Variants in PTPRD observed in about 807,000 individuals in gnomAD.
PTPRD encodes the protein receptor-type tyrosine-protein phosphatase delta.
A neutral mutation model predicts 214.5 loss-of-function variants in PTPRD; 34 were observed. The observed-to-expected ratio is 0.16, with a 90% CI of 0.12 to 0.21. PTPRD has a LOEUF of 0.21. PTPRD is among the 10% of genes least tolerant of loss of function. The pLI, the probability that PTPRD is intolerant of heterozygous loss-of-function variation, is 1.00. For missense variants in PTPRD, 2,545 were observed against 2,398.7 expected (o/e 1.06, Z -1.27); for synonymous variants, 1,128 against 845.7 (o/e 1.33, Z -5.79).
At chr9:9,488,012 T>C (rs1326145874) in intron 8 of PTPRD, among the ~76,000 whole-genome samples, 1 of 152,204 alleles carries the variant, frequency 6.6e-6, no homozygotes, top group African/African-American at 2.4e-5. Context: ...ATACTATTTG[T>C]GTGCCATAAA....
intron 10 of PTPRD, among the ~76,000 whole-genome samples, chr9:9,055,103 T>C (rs1381785104): frequency 1.3e-5 from 2 of 152,148 alleles, no homozygotes; most frequent in Non-Finnish European, 2.9e-5. Context: ...CAATATCCAG[T>C]AAAACTGCTA....
intron 3 of PTPRD, among the ~76,000 whole-genome samples, chr9:10,104,457 G>T (rs2098604002): frequency 6.6e-6 from 1 of 151,320 alleles, no homozygotes; most frequent in South Asian, 2.1e-4. Context: ...TATAATAATA[G>T]AAATCATAAA....
At chr9:10,022,585 G>C (rs930064680) in intron 4 of PTPRD, among the ~76,000 whole-genome samples, 1 of 152,066 alleles carries the variant, frequency 6.6e-6, no homozygotes, top group Non-Finnish European at 1.5e-5. Context: ...AGGCCAAAAG[G>C]CACTTGTAGT....
intron 2 of PTPRD, among the ~76,000 whole-genome samples, chr9:10,566,131 C>T (rs911692516): frequency 2.6e-5 from 4 of 151,912 alleles, no homozygotes; most frequent in Non-Finnish European, 5.9e-5. Context: ...TTTCTTTGCT[C>T]AGGTACTCAT....
At chr9:8,543,595 C>T (rs192510068) in intron 14 of PTPRD, among the ~76,000 whole-genome samples, 5 of 152,280 alleles carry the variant, frequency 3.3e-5, no homozygotes, top group Non-Finnish European at 4.4e-5. Context: ...ATATTATACA[C>T]GACAGGTTTT....
At chr9:10,605,260 T>C (rs550751301) in intron 2 of PTPRD, among the ~76,000 whole-genome samples, 3 of 152,032 alleles carry the variant, frequency 2.0e-5, no homozygotes, top group African/African-American at 7.2e-5. Flanking sequence ...CTTCTGCTAT[T>C]ATGCTTTGGT....
At chr9:10,052,342 G>T (rs1050566190) in intron 3 of PTPRD, among the ~76,000 whole-genome samples, 1 of 152,126 alleles carries the variant, frequency 6.6e-6, no homozygotes, top group African/African-American at 2.4e-5. Context: ...AAAGGCGCCT[G>T]CTTAGTGGCA....
At chr9:9,815,728 G>A (rs368611833) in intron 5 of PTPRD, among the ~76,000 whole-genome samples, 1 of 152,206 alleles carries the variant, frequency 6.6e-6, no homozygotes, top group Middle Eastern at 3.4e-3. Context: ...TAGAATGGTT[G>A]ATTTTAGCGG....
chr9:10,222,660 T>C (rs893931327), intron 3 of PTPRD, among the ~76,000 whole-genome samples: 3 of 152,068 alleles, frequency 2.0e-5, no homozygotes, highest in African/African-American at 7.2e-5. Context: ...TAAATGCTCA[T>C]AGAGGTAAAC....
intron 7 of PTPRD, among the ~76,000 whole-genome samples, chr9:9,594,672 C>T (rs139608748): frequency 0.024 from 3,588 of 152,070 alleles, 142 homozygotes; most frequent in African/African-American, 0.081. Flanking sequence ...GTGACTATGG[C>T]CTTATAGTAT....
chr9:9,775,981 C>CAAAAAAAAAAAA (rs1454097319), intron 5 of PTPRD, among the ~76,000 whole-genome samples: 1 of 86,344 alleles, frequency 1.2e-5, no homozygotes, highest in Admixed American at 1.2e-4. Context: ...AAAAAAAAAG[C>CAAAAAAAAAAAA]AAATCCTTTT....
chr9:9,036,310 A>G (rs1008723904), intron 10 of PTPRD, among the ~76,000 whole-genome samples: 61 of 152,120 alleles, frequency 4.0e-4, no homozygotes, highest in African/African-American at 1.4e-3. Flanking sequence ...AAGTAGAGGA[A>G]GAATTTAAGA....
At chr9:9,140,215 G>A (rs1467295304) in intron 10 of PTPRD, among the ~76,000 whole-genome samples, 1 of 150,648 alleles carries the variant, frequency 6.6e-6, no homozygotes, top group Non-Finnish European at 1.5e-5. Flanking sequence ...AAAAGAAAAA[G>A]AAAAAAAAGA....
At chr9:10,052,924 T>G (rs2097560004) in intron 3 of PTPRD, among the ~76,000 whole-genome samples, 2 of 152,256 alleles carry the variant, frequency 1.3e-5, no homozygotes, top group Admixed American at 1.3e-4. Flanking sequence ...GAACTCACTG[T>G]GAAGAGTATA....
intron 3 of PTPRD, among the ~76,000 whole-genome samples, chr9:10,112,238 C>G (rs1177457999): frequency 6.6e-6 from 1 of 152,206 alleles, no homozygotes; most frequent in Non-Finnish European, 1.5e-5. Context: ...GGAAGACAAC[C>G]AGTCACAGCT....
At chr9:9,022,868 G>C (rs1010989880) in intron 10 of PTPRD, among the ~76,000 whole-genome samples, 3 of 152,056 alleles carry the variant, frequency 2.0e-5, no homozygotes, top group Non-Finnish European at 2.9e-5. Context: ...CAGAAACAGA[G>C]CAAACAATAT....
At chr9:10,240,649 T>A (rs1781767989) in intron 3 of PTPRD, among the ~76,000 whole-genome samples, 1 of 151,898 alleles carries the variant, frequency 6.6e-6, no homozygotes, top group Admixed American at 6.6e-5. Context: ...AGAAGGATAA[T>A]ACAAAATGAC....
chr9:8,493,070 G>C, intron 26 of PTPRD, 91 bp from the exon 27 acceptor site: 1 of 1,023,362 alleles, frequency 9.8e-7, no homozygotes, highest in Non-Finnish European at 1.5e-6. Flanking sequence ...TTCTGCAAAT[G>C]CTCGCACATC....
At chr9:8,543,165 T>C (rs1593230780) in intron 14 of PTPRD, among the ~76,000 whole-genome samples, 1 of 152,224 alleles carries the variant, frequency 6.6e-6, no homozygotes, top group Non-Finnish European at 1.5e-5. Flanking sequence ...TCAGAAGCGA[T>C]GTAATAAAAC....
Sources: allele counts gnomAD v4.1 joint callset (sites outside exome capture counted in the v4.1 genomes callset), GRCh38; gene constraint gnomAD v4.1.1; transcripts MANE v1.5; gene names NCBI Gene and HGNC (gene_info 2026-07-23, HGNC 2026-07-21).